The following MYO9A variants were observed in gnomAD, a reference collection of about 807,000 sequenced individuals.
The protein encoded by MYO9A is myosin IXA.
Under a neutral mutation model 293.3 loss-of-function variants are expected in MYO9A, and 103 were observed. The ratio of observed to expected loss-of-function variants is 0.35; its 90% CI spans 0.30 to 0.41. MYO9A has a LOEUF of 0.41. MYO9A is among the 10% of genes least tolerant of loss of function. The pLI, the probability that MYO9A is intolerant of heterozygous loss-of-function variation, is 1.00. For missense variants in MYO9A, 2,685 were observed against 3,033.0 expected (o/e 0.89, Z 2.69); for synonymous variants, 1,001 against 1,035.7 (o/e 0.97, Z 0.64).
At chr15:71,957,397 C>T (rs2059228930) in intron 14 of MYO9A, among the ~76,000 whole-genome samples, 1 of 151,966 alleles carries the variant, frequency 6.6e-6, no homozygotes, top group Non-Finnish European at 1.5e-5. Context: ...GGTCCTTACC[C>T]CACCATTTCA....
chr15:71,910,425 G>T (rs917498054), intron 19 of MYO9A, among the ~76,000 whole-genome samples: 1 of 151,880 alleles, frequency 6.6e-6, no homozygotes, highest in Admixed American at 6.6e-5. Flanking sequence ...GTATATTAGT[G>T]ATCCATTATT....
chr15:72,085,212 G>C (rs1191114839), intron 1 of MYO9A, among the ~76,000 whole-genome samples: 2 of 152,050 alleles, frequency 1.3e-5, no homozygotes, highest in Admixed American at 1.3e-4. Flanking sequence ...GGCCAACATG[G>C]TAAAGCCCCG....
In MYO9A at chr15:71,830,225, C is replaced by G. The variant is rs1413937038; in HGVS notation, c.6924G>C (p.Glu2308Asp). The change falls in exon 40 of 42, where the codon GAG becomes GAC. Residue 2308 changes from glutamate (E) to aspartate (D), a missense_variant. Coordinates refer to ENST00000356056, the MANE Select transcript of MYO9A (RefSeq NM_006901.4). Reference sequence around the variant, plus strand: ...TGGCTGCCTCACTAGTCAAGGTCTCCTCTGAGACATCAGACACAGAAGGCA... The same window carrying G: ...TGGCTGCCTCACTAGTCAAGGTCTCGTCTGAGACATCAGACACAGAAGGCA... ...VRLPSVSDVSEETLTSEAAME... is the reference protein window; with the variant it reads ...VRLPSVSDVSDETLTSEAAME... 1 of 1,614,074 alleles carries G rather than the reference C, an allele frequency of 6.2e-7. No homozygotes were observed. Among genetic ancestry groups the G allele is most frequent in the East Asian group, 2.2e-5 (1 of 44,876 alleles).
intron 6 of MYO9A, among the ~76,000 whole-genome samples, chr15:72,012,570 T>A (rs1416329224): frequency 6.6e-6 from 1 of 152,140 alleles, no homozygotes; most frequent in African/African-American, 2.4e-5. Flanking sequence ...AGTGCTGGGA[T>A]TACAGGAGTA....
chr15:72,089,855 A>G (rs963244316), intron 1 of MYO9A, among the ~76,000 whole-genome samples: 2 of 152,178 alleles, frequency 1.3e-5, no homozygotes, highest in Non-Finnish European at 2.9e-5. Flanking sequence ...TTCAAACTTA[A>G]AAGTTTCTCT....
At chr15:72,079,036 C>T (rs2079456581) in intron 1 of MYO9A, among the ~76,000 whole-genome samples, 1 of 152,144 alleles carries the variant, frequency 6.6e-6, no homozygotes, top group African/African-American at 2.4e-5. Context: ...GATACTGTAA[C>T]GGTACAGACA....
At chr15:71,859,145 T>C (rs2056004498) in intron 34 of MYO9A, among the ~76,000 whole-genome samples, 1 of 152,268 alleles carries the variant, frequency 6.6e-6, no homozygotes, top group African/African-American at 2.4e-5. Flanking sequence ...CACACATTTA[T>C]ATTTCAGATT....
At chr15:71,884,640 C>T (rs2142745478) in intron 27 of MYO9A, among the ~76,000 whole-genome samples, 1 of 152,230 alleles carries the variant, frequency 6.6e-6, no homozygotes, top group Middle Eastern at 3.4e-3. Flanking sequence ...TCATCTACAT[C>T]AAAGAAGTAC....
At chr15:71,868,862 A>G (rs775789441) in intron 32 of MYO9A, among the ~76,000 whole-genome samples, 3 of 152,220 alleles carry the variant, frequency 2.0e-5, no homozygotes, top group Non-Finnish European at 2.9e-5. Flanking sequence ...AAATATATCT[A>G]TTAGAAAAAA....
At chr15:72,036,425 C>G (rs768077123) in intron 2 of MYO9A, 9 of 152,132 alleles carry the variant, frequency 5.9e-5, no homozygotes, top group Non-Finnish European at 1.3e-4. Flanking sequence ...GAACCCTTGG[C>G]AGAGGCATTT....
intron 14 of MYO9A, among the ~76,000 whole-genome samples, chr15:71,952,908 G>A (rs2059085293): frequency 6.6e-6 from 1 of 152,086 alleles, no homozygotes; most frequent in Non-Finnish European, 1.5e-5. Context: ...AAAGAGGTTT[G>A]TAGGGCATAT....
rs565414214 is a variant in MYO9A, at chr15:71,878,028, T to A, written c.5931+12A>T. On this transcript the variant is annotated intron_variant, in intron 31 of 41. Transcript: ENST00000356056. The stretch of plus-strand genomic sequence containing the variant: ...TTAAATCCTTTAAGTAATCAAAATA[T>A]ATCACATTTACCTTTGTGGCTGTGC... 1 of 1,562,858 alleles carries A rather than the reference T, an allele frequency of 6.4e-7. No homozygotes were observed. The highest frequency in any genetic ancestry group is 2.0e-5 in the Admixed American group (1 of 48,956).
At chr15:72,014,677 T>A (rs35061524) in intron 6 of MYO9A, among the ~76,000 whole-genome samples, 2,034 of 133,056 alleles carry the variant, frequency 0.015, 21 homozygotes, top group East Asian at 0.027. Flanking sequence ...CAGAGCGAGA[T>A]ACCATGAAAG....
At chr15:71,908,082 A>G (rs1283618966) in intron 19 of MYO9A, among the ~76,000 whole-genome samples, 1 of 152,186 alleles carries the variant, frequency 6.6e-6, no homozygotes, top group African/African-American at 2.4e-5. Flanking sequence ...TTTTAGGTCT[A>G]ACGTTTAAGT....
In MYO9A at chr15:71,825,985, GTTTTTTTTT is replaced by G. The variant is rs1567169773; in HGVS notation, c.*586_*594del. 6 of 117,726 alleles carry G rather than the reference GTTTTTTTTT, an allele frequency of 5.1e-5. No homozygotes were observed. The highest frequency in any genetic ancestry group is 1.9e-4 in the African/African-American group (6 of 30,818). 7.3% of individuals were successfully genotyped at this position (117,726 alleles called of 1,614,324 possible). The stretch of plus-strand genomic sequence containing the variant: ...TGATGGCTTAATGGAAACAATCACG[GTTTTTTTTT>G]GTTTTTTTTTTTTTGTTTTTTTTTT... On this transcript the variant is annotated 3_prime_UTR_variant, in exon 42 of 42. Coordinates refer to ENST00000356056, the MANE Select transcript of MYO9A (RefSeq NM_006901.4).
At chr15:71,886,956 T>C (rs1241981121) in intron 27 of MYO9A, among the ~76,000 whole-genome samples, 3 of 152,242 alleles carry the variant, frequency 2.0e-5, no homozygotes, top group Middle Eastern at 3.4e-3. Context: ...AATATGGTTA[T>C]GAACCAGAAA....
chr15:71,938,258 T>A (rs191590864), intron 16 of MYO9A, among the ~76,000 whole-genome samples: 232 of 152,230 alleles, frequency 1.5e-3, no homozygotes, highest in African/African-American at 5.4e-3. Flanking sequence ...GCTCAATTTT[T>A]TGATGATGTT....
chr15:72,113,852 T>C (rs1335259855), intron 1 of MYO9A, among the ~76,000 whole-genome samples: 2 of 151,870 alleles, frequency 1.3e-5, no homozygotes, highest in African/African-American at 2.4e-5. Flanking sequence ...AACCAGAAAA[T>C]CCTAGGGAAA....
chr15:71,944,303 T>C (rs1429010713), intron 15 of MYO9A, among the ~76,000 whole-genome samples: 1 of 152,178 alleles, frequency 6.6e-6, no homozygotes, highest in Non-Finnish European at 1.5e-5. Flanking sequence ...GGTATGTTTT[T>C]TGTTTTCTTA....
Sources: allele counts gnomAD v4.1 joint callset (sites outside exome capture counted in the v4.1 genomes callset), GRCh38; gene constraint gnomAD v4.1.1; transcripts MANE v1.5; gene names NCBI Gene and HGNC (gene_info 2026-07-23, HGNC 2026-07-21).